PLXDC2: variants seen among roughly 807,000 people sequenced by gnomAD.
PLXDC2 encodes the protein plexin domain-containing protein 2.
PLXDC2 carries 40 observed loss-of-function variants against 68.9 expected under a neutral mutation model. That is an observed-to-expected ratio of 0.58 (90% CI 0.45 to 0.76). The LOEUF is 0.76. Among genes scored for constraint, PLXDC2 ranks in the 30% least tolerant of loss-of-function variants. The pLI is 0.00. For missense variants in PLXDC2, 644 were observed against 661.9 expected, an observed-to-expected ratio of 0.97 and a Z score of 0.30; for synonymous variants, 243 against 234.2, an observed-to-expected ratio of 1.04 and a Z score of -0.34.
intron 5 of PLXDC2, among the ~76,000 whole-genome samples, chr10:20,146,761 C>A (rs1331617591): frequency 3.9e-5 from 6 of 152,028 alleles, no homozygotes; most frequent in Admixed American, 1.3e-4. Flanking sequence ...AATAATGTGT[C>A]TATTTAAAAT....
At chr10:19,894,632 G>A (rs936419676) in intron 1 of PLXDC2, among the ~76,000 whole-genome samples, 1 of 152,036 alleles carries the variant, frequency 6.6e-6, no homozygotes, top group Non-Finnish European at 1.5e-5. Context: ...TGTTACATCA[G>A]CACTATCAGG....
chr10:20,163,853 A>G (rs1284155578), intron 6 of PLXDC2, among the ~76,000 whole-genome samples: 2 of 152,178 alleles, frequency 1.3e-5, no homozygotes, highest in East Asian at 1.9e-4. Flanking sequence ...TTGAGATTCA[A>G]ATACAAGAAC....
intron 1 of PLXDC2, among the ~76,000 whole-genome samples, chr10:19,833,126 G>A (rs545745397): frequency 1.3e-5 from 2 of 152,280 alleles, no homozygotes; most frequent in South Asian, 2.1e-4. Flanking sequence ...AAAGGGCAGG[G>A]CAAGGCATGG....
chr10:19,834,185 C>G (rs1489415620), intron 1 of PLXDC2, among the ~76,000 whole-genome samples: 1 of 152,078 alleles, frequency 6.6e-6, no homozygotes, highest in African/African-American at 2.4e-5. Context: ...AATGGTCATC[C>G]ATATCTTCTG....
rs148930417 is a variant in PLXDC2, at chr10:20,276,866, C to T, written c.1474-2837C>T. ...AGATCCTTCCATCCAAGCCCTTCCC[C>T]GTACTCTGGGTAGGTGGCTCCTATT... On this transcript the variant is annotated intron_variant, in intron 13 of 13. Coordinates refer to ENST00000377252, the MANE Select transcript of PLXDC2 (RefSeq NM_032812.9). Among the ~76,000 whole-genome samples, 150 of 152,154 alleles carry T rather than the reference C, an allele frequency of 9.9e-4. 1 individual carries two copies. Among genetic ancestry groups the T allele is most frequent in the African/African-American group, 3.5e-3 (146 of 41,522 alleles).
chr10:20,219,168 A>G, intron 12 of PLXDC2, 66 bp downstream of exon 12: 1 of 1,510,092 alleles, frequency 6.6e-7, no homozygotes, highest in East Asian at 2.3e-5. Flanking sequence ...TTATTTTACT[A>G]TGAGAAAGGC....
intron 4 of PLXDC2, among the ~76,000 whole-genome samples, chr10:20,105,288 C>T (rs1467085431): frequency 1.3e-5 from 2 of 152,118 alleles, no homozygotes; most frequent in Admixed American, 6.5e-5. Flanking sequence ...CCACATAAAA[C>T]AACATCCTGT....
chr10:20,060,847 G>A lies in PLXDC2; in HGVS notation c.472-7323G>A, dbSNP rs1174372782. Among the ~76,000 whole-genome samples, 7 of 152,264 alleles carry A rather than the reference G, an allele frequency of 4.6e-5. No individual in the cohort carries two copies. The East Asian group carries it at 1.2e-3, about 25-fold the overall frequency. ...AGTCACTGAAAGCTTATAACAGGTA[G>A]GAAATGAATCACGTAGTATAAAAGA... On this transcript the variant is annotated intron_variant, in intron 3 of 13. Transcript: ENST00000377252.
chr10:19,948,780 C>T (rs141203599), intron 1 of PLXDC2, among the ~76,000 whole-genome samples: 96 of 152,120 alleles, frequency 6.3e-4, no homozygotes, highest in Middle Eastern at 3.4e-3. Context: ...TTATTTCAGA[C>T]GCTCTGCTGC....
intron 6 of PLXDC2, among the ~76,000 whole-genome samples, chr10:20,151,211 G>C (rs907561917): frequency 1.3e-5 from 2 of 152,132 alleles, no homozygotes; most frequent in Admixed American, 6.6e-5. Flanking sequence ...TTTGAGGTGA[G>C]AGCTAGAAGC....
intron 9 of PLXDC2, among the ~76,000 whole-genome samples, chr10:20,200,126 G>T (rs572043994): frequency 6.7e-6 from 1 of 148,768 alleles, no homozygotes; most frequent in Non-Finnish European, 1.5e-5. Flanking sequence ...TATACAAACT[G>T]CTGTATGCCA....
intron 7 of PLXDC2, among the ~76,000 whole-genome samples, chr10:20,174,482 C>T (rs1482457934): frequency 3.9e-5 from 6 of 152,032 alleles, no homozygotes; most frequent in African/African-American, 1.2e-4. Flanking sequence ...CAATGTGATA[C>T]GCCTGAGATA....
intron 1 of PLXDC2, among the ~76,000 whole-genome samples, chr10:19,902,709 G>C (rs1266621365): frequency 6.6e-6 from 1 of 152,092 alleles, no homozygotes; most frequent in Non-Finnish European, 1.5e-5. Flanking sequence ...AGGACTTCTA[G>C]TACTGTGTTG....
At chr10:20,112,095 G>A (rs1286851200) in intron 4 of PLXDC2, among the ~76,000 whole-genome samples, 2 of 152,216 alleles carry the variant, frequency 1.3e-5, no homozygotes, top group East Asian at 1.9e-4. Flanking sequence ...TGTGTCCTCT[G>A]CAAGAAGGTC....
chr10:19,975,787 T>G (rs1268883109), intron 1 of PLXDC2, among the ~76,000 whole-genome samples: 2 of 152,050 alleles, frequency 1.3e-5, no homozygotes, highest in African/African-American at 4.8e-5. Flanking sequence ...GTGGATTACT[T>G]GAGGTCAGGA....
intron 4 of PLXDC2, among the ~76,000 whole-genome samples, chr10:20,139,429 A>G (rs541774695): frequency 1.3e-4 from 20 of 152,392 alleles, no homozygotes; most frequent in African/African-American, 4.6e-4. Flanking sequence ...TAGTAGAATC[A>G]CATAGTAAGC....
intron 10 of PLXDC2, among the ~76,000 whole-genome samples, chr10:20,214,066 A>G (rs976741339): frequency 1.3e-5 from 2 of 152,156 alleles, no homozygotes; most frequent in African/African-American, 4.8e-5. Flanking sequence ...ATTCCAACAA[A>G]CATTTTTCAT....
chr10:20,196,377 A>G (rs1015078729), intron 9 of PLXDC2, among the ~76,000 whole-genome samples: 3 of 152,136 alleles, frequency 2.0e-5, no homozygotes, highest in African/African-American at 7.2e-5. Context: ...TTCAGTTAGC[A>G]CTTCCCATAA....
chr10:19,837,719 A>T (rs749905450), intron 1 of PLXDC2, among the ~76,000 whole-genome samples: 1 of 152,222 alleles, frequency 6.6e-6, no homozygotes, highest in Non-Finnish European at 1.5e-5. Flanking sequence ...ATAAATGTGC[A>T]TCAGTCTGCA....
Sources: gnomAD v4.1 joint callset for allele counts (sites outside exome capture counted in the v4.1 genomes callset) on GRCh38, gnomAD v4.1.1 for gene constraint, MANE v1.5 for transcripts, NCBI Gene and HGNC (gene_info 2026-07-23, HGNC 2026-07-21) for gene names.